ARMC2: variants seen among roughly 807,000 people sequenced by gnomAD.
ARMC2 encodes armadillo repeat containing 2.
Under a neutral mutation model 90.3 loss-of-function variants are expected in ARMC2, and 67 were observed. That is an observed-to-expected ratio of 0.74 (90% confidence interval 0.61 to 0.91). The LOEUF is 0.91. Ranked by LOEUF, ARMC2 falls within the 40% of genes least tolerant of loss-of-function variation. The pLI is 0.00. For synonymous variants in ARMC2, 393 were observed against 393.0 expected, an observed-to-expected ratio of 1.00 and a Z score of 0.00; for missense variants, 920 against 1,030.9, an observed-to-expected ratio of 0.89 and a Z score of 1.47.
the ARMC2 span, chr6:108,998,349 C>T: frequency 2.9e-6 from 2 of 688,068 alleles, no homozygotes; most frequent in East Asian, 2.8e-5. Context: ...TAGTGATGAG[C>T]ATGTGAGGCA....
In ARMC2 at chr6:108,973,401, A is replaced by G; in HGVS notation, c.2491A>G (p.Asn831Asp). Reference protein sequence around the residue: ...LDGSFDPDLKNYHKLHWETEF... With the variant: ...LDGSFDPDLKDYHKLHWETEF... Reference sequence around the variant, plus strand: ...TGGCAGTTTTGATCCAGACCTAAAAAACTATCACAAACTCCATTGGGAAAC... The same window carrying G: ...TGGCAGTTTTGATCCAGACCTAAAAGACTATCACAAACTCCATTGGGAAAC... Residue 831 changes from asparagine (N) to aspartate (D), a missense_variant, in exon 18 of 18, where the codon AAC becomes GAC. Coordinates refer to ENST00000392644, the MANE Select transcript of ARMC2 (RefSeq NM_032131.6). The G allele has an allele frequency of 6.2e-7, 1 of 1,613,876 alleles. No individual in the cohort carries two copies. The highest frequency in any genetic ancestry group is 8.5e-7 in the Non-Finnish European group (1 of 1,179,782).
At chr6:108,955,082 C>T (rs1777473494) in intron 13 of ARMC2, among the ~76,000 whole-genome samples, 1 of 152,210 alleles carries the variant, frequency 6.6e-6, no homozygotes, top group African/African-American at 2.4e-5. Flanking sequence ...CCCCACCCTT[C>T]TGACCTCATT....
the ARMC2 span, chr6:108,987,705 A>G: frequency 6.3e-6 from 5 of 788,742 alleles, no homozygotes; most frequent in South Asian, 1.5e-5. Flanking sequence ...AATCTAATGA[A>G]CACATAAAAT....
At chr6:108,866,097 T>C (rs1338828768) in intron 3 of ARMC2, among the ~76,000 whole-genome samples, 2 of 151,856 alleles carry the variant, frequency 1.3e-5, no homozygotes, top group Non-Finnish European at 2.9e-5. Flanking sequence ...TTTGTCTGCA[T>C]GATTGTTAGT....
intron 7 of ARMC2, among the ~76,000 whole-genome samples, chr6:108,903,327 TGATC>T (rs1228232814): frequency 6.6e-6 from 1 of 152,108 alleles, no homozygotes; most frequent in Non-Finnish European, 1.5e-5. Context: ...AGGCTGGCCT[TGATC>T]CTGGCATCAA....
chr6:108,926,348 G>A (rs953068944), intron 10 of ARMC2, among the ~76,000 whole-genome samples: 1 of 152,202 alleles, frequency 6.6e-6, no homozygotes, highest in Non-Finnish European at 1.5e-5. Flanking sequence ...CAGGAGAACA[G>A]GTGGAAACGG....
the ARMC2 span, among the ~76,000 whole-genome samples, chr6:109,035,417 A>G: frequency 2.6e-5 from 4 of 152,154 alleles, no homozygotes; most frequent in African/African-American, 9.7e-5. Flanking sequence ...GAAGTAAAAG[A>G]CTGAGTATAA....
chr6:108,876,048 A>G (rs767445983), intron 4 of ARMC2, 95 bp from the exon 5 acceptor site: 33 of 1,115,970 alleles, frequency 3.0e-5, no homozygotes, highest in Non-Finnish European at 3.6e-5. Flanking sequence ...TAACTTTTAA[A>G]TCATATAAAT....
chr6:108,870,400 A>G (rs1478432277), intron 4 of ARMC2, among the ~76,000 whole-genome samples: 1 of 152,114 alleles, frequency 6.6e-6, no homozygotes, highest in Non-Finnish European at 1.5e-5. Context: ...TGGCCAGGAT[A>G]TGATCTGCAG....
At chr6:109,000,395 G>A in the ARMC2 span, 1 of 901,082 alleles carries the variant, frequency 1.1e-6, no homozygotes, top group Non-Finnish European at 1.6e-6. Context: ...TAGAAAATAG[G>A]AACTCTCTGT....
intron 11 of ARMC2, among the ~76,000 whole-genome samples, chr6:108,934,121 CAA>C (rs1165067761): frequency 6.6e-6 from 1 of 152,188 alleles, no homozygotes; most frequent in African/African-American, 2.4e-5. Flanking sequence ...CTCAGCCTCC[CAA>C]AGTGCTGGAT....
chr6:109,013,828 A>T, the ARMC2 span, among the ~76,000 whole-genome samples: 3 of 152,248 alleles, frequency 2.0e-5, no homozygotes, highest in African/African-American at 7.2e-5. Flanking sequence ...ATGCTGGTTT[A>T]TAAGACTACT....
chr6:109,004,081 T>C, the ARMC2 span, among the ~76,000 whole-genome samples: 1 of 152,130 alleles, frequency 6.6e-6, no homozygotes, highest in Non-Finnish European at 1.5e-5. Context: ...GACAACTGGA[T>C]AGCCATTCAG....
At chr6:108,907,688 A>G (rs749050549) in intron 8 of ARMC2, 6 of 1,607,108 alleles carry the variant, frequency 3.7e-6, no homozygotes, top group Non-Finnish European at 5.1e-6. Flanking sequence ...GCATGCCAGC[A>G]CCATGGTAAC....
At chr6:108,893,117 G>C (rs1016442818) in intron 5 of ARMC2, among the ~76,000 whole-genome samples, 13 of 152,200 alleles carry the variant, frequency 8.5e-5, no homozygotes, top group Admixed American at 6.5e-4. Context: ...CTAAAGAGAA[G>C]CTGTATCCTT....
At chr6:108,923,178 C>A (rs938894856) in intron 10 of ARMC2, 1 of 151,936 alleles carries the variant, frequency 6.6e-6, no homozygotes. Flanking sequence ...TCTACTAAGT[C>A]CTTTAGAGAC....
intron 3 of ARMC2, among the ~76,000 whole-genome samples, chr6:108,859,064 A>G (rs1025959859): frequency 1.3e-5 from 2 of 152,238 alleles, no homozygotes; most frequent in Non-Finnish European, 1.5e-5. Context: ...ACTTGAATTA[A>G]TGATAAATTC....
At chr6:108,949,491 T>A (rs2128502122) in intron 12 of ARMC2, among the ~76,000 whole-genome samples, 2 of 152,376 alleles carry the variant, frequency 1.3e-5, no homozygotes, top group Middle Eastern at 6.8e-3. Context: ...AGAATTCATA[T>A]AGTCTTTCAG....
rs116250156 is a variant in ARMC2 at position 108,867,188 on chromosome 6, A to G, written c.292-1636A>G. Among the ~76,000 whole-genome samples the G allele has an allele frequency of 3.4e-3, 515 of 152,310 alleles. 1 individual carries two copies. The highest frequency in any genetic ancestry group is 0.012 in the African/African-American group (504 of 41,574). ...GCCATAAGGTTGTTCTTTCATAGGC[A>G]AATAACTGTGCTGACATTGGAGGCA... On this transcript the variant is annotated intron_variant, in intron 3 of 17. Coordinates refer to ENST00000392644, the MANE Select transcript of ARMC2 (RefSeq NM_032131.6).
Sources: allele counts gnomAD v4.1 joint callset (sites outside exome capture counted in the v4.1 genomes callset), GRCh38; gene constraint gnomAD v4.1.1; transcripts MANE v1.5; gene names NCBI Gene and HGNC (gene_info 2026-07-23, HGNC 2026-07-21).